Variants in FLI1 observed in about 807,000 individuals in gnomAD.
FLI1 encodes the protein Friend leukemia integration 1 transcription factor.
Under a neutral mutation model 53.1 loss-of-function variants are expected in FLI1, and 13 were observed. The ratio of observed to expected loss-of-function variants is 0.24; its 90% confidence interval spans 0.16 to 0.39. The LOEUF is 0.39. Among genes scored for constraint, FLI1 ranks in the 10% least tolerant of loss-of-function variants. The pLI is 1.00. For missense variants in FLI1, 424 were observed against 600.5 expected, an observed-to-expected ratio of 0.71 and a Z score of 3.07; for synonymous variants, 244 against 236.7, an observed-to-expected ratio of 1.03 and a Z score of -0.28.
chr11:128,708,509 A>G (rs888470652), intron 1 of FLI1, among the ~76,000 whole-genome samples: 1 of 152,008 alleles, frequency 6.6e-6, no homozygotes, highest in Non-Finnish European at 1.5e-5. Flanking sequence ...GGGTAGTCTG[A>G]GTTCTGTACC....
intron 1 of FLI1, among the ~76,000 whole-genome samples, chr11:128,687,805 C>G (rs1459692486): frequency 6.6e-6 from 1 of 152,164 alleles, no homozygotes; most frequent in Admixed American, 6.5e-5. Flanking sequence ...CTCGTCATTT[C>G]AGGAAGGGAA....
At chr11:128,808,697 G>A (rs73021470) in intron 7 of FLI1, among the ~76,000 whole-genome samples, 682 of 151,592 alleles carry the variant, frequency 4.5e-3, no homozygotes, top group Non-Finnish European at 7.9e-3. Context: ...AGGCTGCTTG[G>A]TTTCTAGGCA....
At chr11:128,784,229 C>A (rs1308355278) in intron 5 of FLI1, among the ~76,000 whole-genome samples, 1 of 57,714 alleles carries the variant, frequency 1.7e-5, no homozygotes, top group African/African-American at 8.7e-5. Context: ...ATCTCCTCCT[C>A]CTCCTCCTCC....
chr11:128,763,683 G>A (rs1941215086), intron 2 of FLI1, among the ~76,000 whole-genome samples: 1 of 152,156 alleles, frequency 6.6e-6, no homozygotes, highest in Admixed American at 6.5e-5. Flanking sequence ...CTCTCTGGCT[G>A]CGAGGCCCCT....
intron 3 of FLI1, among the ~76,000 whole-genome samples, chr11:128,771,400 C>A (rs76059871): frequency 6.6e-6 from 1 of 152,328 alleles, no homozygotes; most frequent in South Asian, 2.1e-4. Flanking sequence ...CAGATTCTCA[C>A]ACATAAAAAC....
chr11:128,780,148 C>T (rs1172246606), intron 4 of FLI1, among the ~76,000 whole-genome samples: 1 of 152,148 alleles, frequency 6.6e-6, no homozygotes, highest in African/African-American at 2.4e-5. Flanking sequence ...ATGTAGCTGG[C>T]TCTTGGATGT....
chr11:128,699,216 CA>C (rs1938218310), intron 1 of FLI1, among the ~76,000 whole-genome samples: 2 of 152,178 alleles, frequency 1.3e-5, no homozygotes, highest in Non-Finnish European at 2.9e-5. Flanking sequence ...TGGGGTTAAA[CA>C]GTTAACTTGG....
At chr11:128,757,044 T>C (rs528041791) in intron 1 of FLI1, among the ~76,000 whole-genome samples, 100 of 107,112 alleles carry the variant, frequency 9.3e-4, no homozygotes, top group Non-Finnish European at 1.4e-3. Flanking sequence ...CTAGCTAATT[T>C]TTTCTTTCTT....
chr11:128,689,204 C>T (rs754888910), upstream of FLI1, among the ~76,000 whole-genome samples: 2 of 152,122 alleles, frequency 1.3e-5, no homozygotes, highest in African/African-American at 2.4e-5. Context: ...CTGGAACTTC[C>T]GCTCCTGATA....
intron 2 of FLI1, among the ~76,000 whole-genome samples, chr11:128,762,475 T>C (rs1316927406): frequency 1.3e-5 from 2 of 152,214 alleles, no homozygotes; most frequent in African/African-American, 4.8e-5. Flanking sequence ...GCTCTAAATA[T>C]AAACCACATA....
chr11:128,808,407 C>T (rs1174480551), intron 7 of FLI1, among the ~76,000 whole-genome samples: 1 of 152,196 alleles, frequency 6.6e-6, no homozygotes, highest in African/African-American at 2.4e-5. Flanking sequence ...AGATAAACCT[C>T]TCACCTAAAC....
chr11:128,736,335 C>T (rs573230047), intron 1 of FLI1, among the ~76,000 whole-genome samples: 10 of 152,252 alleles, frequency 6.6e-5, no homozygotes, highest in African/African-American at 1.4e-4. Context: ...AGGGGTGATA[C>T]GAGTTGGTAA....
At chr11:128,738,722 C>T (rs904136325) in intron 1 of FLI1, among the ~76,000 whole-genome samples, 1 of 152,190 alleles carries the variant, frequency 6.6e-6, no homozygotes, top group Admixed American at 6.5e-5. Flanking sequence ...TGACTAAGAG[C>T]GCTTTGGAAA....
At position 128,810,354 on chromosome 11, in the gene FLI1, AG is replaced by A; in HGVS notation, c.830-103del. ...CGATCCCAATGTCGAAGGAAACAAA[AG>A]GTTTCTTTAAAAGGATGAGAAGCTC... On this transcript the variant is annotated intron_variant, in intron 8 of 8. Coordinates refer to ENST00000527786, the MANE Select transcript of FLI1 (RefSeq NM_002017.5). The surrounding 1 kb of genome is among the most constrained non-coding windows in gnomAD (Gnocchi z 6.6). 1 of 1,135,214 alleles carries A rather than the reference AG, an allele frequency of 8.8e-7. No homozygotes were observed. 70.3% of individuals were successfully genotyped at this position (1,135,214 alleles called of 1,614,324 possible). A position where few individuals can be genotyped will look rare whatever the true frequency, so the allele number is the denominator to read the frequency against.
intron 1 of FLI1, among the ~76,000 whole-genome samples, chr11:128,701,889 T>C (rs543482202): frequency 6.6e-6 from 1 of 152,364 alleles, no homozygotes; most frequent in South Asian, 2.1e-4. Flanking sequence ...TCTACTGGAA[T>C]CTAACACTCC....
intron 5 of FLI1, among the ~76,000 whole-genome samples, chr11:128,795,785 C>T (rs1321897347): frequency 6.6e-5 from 10 of 152,112 alleles, no homozygotes; most frequent in African/African-American, 1.9e-4. Flanking sequence ...CTCCTCACCT[C>T]GTGATCTGCC....
intron 1 of FLI1, among the ~76,000 whole-genome samples, chr11:128,718,998 G>A (rs1020937059): frequency 2.0e-5 from 3 of 152,156 alleles, no homozygotes; most frequent in Non-Finnish European, 2.9e-5. Context: ...TGAAACTTCC[G>A]TTTCTGATCT....
At chr11:128,804,544 A>G (rs987794817) in intron 5 of FLI1, 1 of 152,224 alleles carries the variant, frequency 6.6e-6, no homozygotes, top group African/African-American at 2.4e-5. Context: ...AGTATTCTCC[A>G]AGACAACTGA....
At chr11:128,759,305 G>A (rs556371788) in intron 2 of FLI1, among the ~76,000 whole-genome samples, 1 of 152,312 alleles carries the variant, frequency 6.6e-6, no homozygotes, top group Admixed American at 6.5e-5. Flanking sequence ...GCCAGAGGCT[G>A]ACTTTGAGCA....
Sources: allele counts gnomAD v4.1 joint callset (sites outside exome capture counted in the v4.1 genomes callset), GRCh38; gene constraint gnomAD v4.1.1; non-coding constraint Gnocchi (gnomAD v3.1); transcripts MANE v1.5; gene names NCBI Gene and HGNC (gene_info 2026-07-23, HGNC 2026-07-21).